GREM2: variants seen among roughly 807,000 people sequenced by gnomAD.
GREM2 encodes the protein gremlin-2.
A neutral mutation model predicts 14.2 loss-of-function variants in GREM2; 11 were observed. The observed-to-expected ratio is 0.78, with a 90% CI of 0.49 to 1.28. GREM2 has a LOEUF of 1.28. Ranked by LOEUF, GREM2 falls within the 50% of genes most tolerant of loss-of-function variation. The pLI is 0.00. For missense variants in GREM2, 210 were observed against 218.5 expected, an observed-to-expected ratio of 0.96 and a Z score of 0.24; for synonymous variants, 98 against 97.6, an observed-to-expected ratio of 1.00 and a Z score of -0.02.
chr1:240,555,129 G>A (rs529304149), intron 1 of GREM2, among the ~76,000 whole-genome samples: 1 of 149,830 alleles, frequency 6.7e-6, no homozygotes, highest in East Asian at 2.0e-4. Context: ...TGGGCAACAA[G>A]AGAGAAACTC....
intron 1 of GREM2, among the ~76,000 whole-genome samples, chr1:240,509,042 T>G (rs1677741011): frequency 6.6e-6 from 1 of 152,262 alleles, no homozygotes; most frequent in African/African-American, 2.4e-5. Context: ...AATTGAAATT[T>G]AGATCTAACA....
At chr1:240,518,436 A>T (rs114714478) in intron 1 of GREM2, among the ~76,000 whole-genome samples, 592 of 152,308 alleles carry the variant, frequency 3.9e-3, no homozygotes, top group African/African-American at 0.013. Flanking sequence ...GGCAAAATCA[A>T]CAACTTTTCT....
intron 1 of GREM2, among the ~76,000 whole-genome samples, chr1:240,565,846 C>CAAAAAA (rs57078582): frequency 3.2e-5 from 3 of 94,150 alleles, no homozygotes; most frequent in African/African-American, 7.2e-5. Flanking sequence ...ACTCTGTCTC[C>CAAAAAA]AAAAAAAAAA....
intron 1 of GREM2, among the ~76,000 whole-genome samples, chr1:240,588,367 G>C (rs775265836): frequency 1.3e-5 from 2 of 152,064 alleles, no homozygotes; most frequent in Non-Finnish European, 2.9e-5. Flanking sequence ...TTTGCTTCTG[G>C]GAATACCCGA....
intron 1 of GREM2, among the ~76,000 whole-genome samples, chr1:240,550,785 C>A (rs1678832360): frequency 6.6e-6 from 1 of 152,172 alleles, no homozygotes; most frequent in South Asian, 2.1e-4. Context: ...TTCAAAATGT[C>A]TTTCATTGAA....
rs372422184 is a variant in GREM2, at chr1:240,490,103, G to A, written c.*2866C>T. The A allele has an allele frequency of 1.1e-4, 16 of 152,236 alleles. No homozygotes were observed. Among genetic ancestry groups the A allele is most frequent in the East Asian group, 3.8e-4 (2 of 5,202 alleles). The allele number at this position is 152,236 out of a possible 1,614,324, so 9.4% of individuals were successfully genotyped here. On this transcript the variant is annotated 3_prime_UTR_variant, in exon 2 of 2. Transcript: ENST00000318160. ...ACTCATGAGGAGTAAATGTGAAAAT[G>A]AACAAAACTCAGAACAAGTGTGTCC...
chr1:240,593,002 G>A (rs572995086), intron 1 of GREM2, among the ~76,000 whole-genome samples: 10 of 151,286 alleles, frequency 6.6e-5, no homozygotes, highest in African/African-American at 1.5e-4. Context: ...AAAATTAGCC[G>A]GCATGGTAGT....
chr1:240,500,384 C>G (rs148329752), intron 1 of GREM2, among the ~76,000 whole-genome samples: 3 of 151,878 alleles, frequency 2.0e-5, no homozygotes, highest in African/African-American at 7.3e-5. Context: ...CTGCAAGCTC[C>G]GCCTCCCAGG....
At chr1:240,545,216 A>G (rs528487419) in intron 1 of GREM2, among the ~76,000 whole-genome samples, 2 of 152,288 alleles carry the variant, frequency 1.3e-5, no homozygotes, top group East Asian at 3.9e-4. Context: ...GCTCTCCAAT[A>G]ACCAGCGACT....
Position 240,493,149 on chromosome 1 carries a change from G to T in GREM2, c.327C>A (p.His109Gln), listed in dbSNP as rs748927834. ...GGAAGGACTCCTCCTCCTTCTTCACGTGCCGCGGGATGTAGAAGGAGTTGC... is the reference window on the plus strand; with the variant it reads ...GGAAGGACTCCTCCTCCTTCTTCACTTGCCGCGGGATGTAGAAGGAGTTGC... ...GQCNSFYIPR[H>Q]VKKEEESFQS... is the part of the protein sequence containing the mutation. Residue 109 changes from histidine to glutamine, a missense_variant, in exon 2 of 2, where the codon CAC becomes CAA. His to Gln is a conservative substitution (Grantham distance 24). Coordinates refer to ENST00000318160, the MANE Select transcript of GREM2 (RefSeq NM_022469.4). 1 of 1,614,198 alleles carries T rather than the reference G, an allele frequency of 6.2e-7. No homozygotes were observed. Among genetic ancestry groups the T allele is most frequent in the South Asian group, 1.1e-5 (1 of 91,090 alleles).
rs1678553071 is a variant in GREM2, at chr1:240,540,106, C to T, written c.-1-46630G>A. Among the ~76,000 whole-genome samples the T allele has an allele frequency of 6.6e-6, 1 of 152,114 alleles. No homozygotes were observed. The highest frequency in any genetic ancestry group is 6.6e-5 in the Admixed American group (1 of 15,262). ...TGTTCCTATACCCCTGACTAAATTG[C>T]AGTTATGTCTTTAATTGAAACCTAG... On this transcript the variant is annotated intron_variant, in intron 1 of 1. Transcript: ENST00000318160. This position sits in a 1 kb window ranked among gnomAD's most constrained non-coding sequence, Gnocchi z 4.2.
intron 1 of GREM2, among the ~76,000 whole-genome samples, chr1:240,539,479 T>G (rs1413818449): frequency 6.6e-6 from 1 of 152,214 alleles, no homozygotes; most frequent in African/African-American, 2.4e-5. Flanking sequence ...AGAGCCCTAA[T>G]TTTTCTTCTG....
intron 1 of GREM2, among the ~76,000 whole-genome samples, chr1:240,555,313 G>T (rs1199184275): frequency 2.0e-5 from 3 of 152,118 alleles, no homozygotes; most frequent in Non-Finnish European, 4.4e-5. Flanking sequence ...CCTTGGCTTT[G>T]GTTTTGACAT....
At chr1:240,541,449 C>T (rs1678586300) in intron 1 of GREM2, among the ~76,000 whole-genome samples, 1 of 152,216 alleles carries the variant, frequency 6.6e-6, no homozygotes, top group South Asian at 2.1e-4. Context: ...TAACTCACTT[C>T]CCACTTCTCT....
At chr1:240,593,452 A>G (rs761308970) in intron 1 of GREM2, among the ~76,000 whole-genome samples, 1 of 152,226 alleles carries the variant, frequency 6.6e-6, no homozygotes, top group Non-Finnish European at 1.5e-5. Context: ...GAAGACCAAC[A>G]TATAACTTAC....
intron 1 of GREM2, among the ~76,000 whole-genome samples, chr1:240,523,137 G>A (rs960079609): frequency 6.6e-6 from 1 of 152,190 alleles, no homozygotes; most frequent in South Asian, 2.1e-4. Context: ...CTCTTGCCCA[G>A]GTTGGGGTGC....
At chr1:240,584,798 T>G (rs1397134172) in intron 1 of GREM2, among the ~76,000 whole-genome samples, 3 of 152,138 alleles carry the variant, frequency 2.0e-5, no homozygotes, top group Non-Finnish European at 4.4e-5. Flanking sequence ...TAGAGTTTAT[T>G]TAAAGTATGT....
rs17854406 is a variant in GREM2 at position 240,493,320 on chromosome 1, C to T, written c.156G>A (p.Val52=). ...CCAGGGCCTCCTGGCTGGAGGCCAG[C>T]ACCTCCTTGATCTGGTGCTGCCATC... The part of the protein sequence containing the change: ...SERWQHQIKE[V]LASSQEALVV... The change falls in exon 2 of 2, where the codon GTG becomes GTA. Residue 52 remains valine (V), a synonymous_variant. Coordinates refer to ENST00000318160, the MANE Select transcript of GREM2 (RefSeq NM_022469.4). 1 of 1,614,060 alleles carries T rather than the reference C, an allele frequency of 6.2e-7. No homozygotes were observed. Among genetic ancestry groups the T allele is most frequent in the Admixed American group, 1.7e-5 (1 of 60,028 alleles).
intron 1 of GREM2, among the ~76,000 whole-genome samples, chr1:240,601,349 G>A (rs149966125): frequency 1.3e-5 from 2 of 152,272 alleles, no homozygotes; most frequent in South Asian, 4.2e-4. Flanking sequence ...ACATCCCTCT[G>A]TTTGACTACC....
Sources: gnomAD v4.1 joint callset for allele counts (sites outside exome capture counted in the v4.1 genomes callset) on GRCh38, gnomAD v4.1.1 for gene constraint, Gnocchi (gnomAD v3.1) non-coding constraint, MANE v1.5 for transcripts, NCBI Gene and HGNC (gene_info 2026-07-23, HGNC 2026-07-21) for gene names.